The following ADAMTSL1 variants were observed in gnomAD, a reference collection of about 807,000 sequenced individuals.
The protein encoded by ADAMTSL1 is ADAMTS like 1.
A neutral mutation model predicts 201.8 loss-of-function variants in ADAMTSL1; 126 were observed. The observed-to-expected ratio is 0.62, with a 90% CI of 0.54 to 0.72. The LOEUF is 0.72. Ranked by LOEUF, ADAMTSL1 falls within the 30% of genes least tolerant of loss-of-function variation. The pLI is 0.00. For missense variants in ADAMTSL1, 2,679 were observed against 2,277.8 expected, an observed-to-expected ratio of 1.18 and a Z score of -3.59; for synonymous variants, 1,121 against 903.4, an observed-to-expected ratio of 1.24 and a Z score of -4.32.
intron 9 of ADAMTSL1, among the ~76,000 whole-genome samples, chr9:18,672,261 T>C (rs989726108): frequency 2.6e-5 from 4 of 152,082 alleles, no homozygotes; most frequent in African/African-American, 9.7e-5. Context: ...CTCAATGATC[T>C]TGAAGTAACG....
intron 2 of ADAMTSL1, among the ~76,000 whole-genome samples, chr9:18,314,560 C>G (rs940904163): frequency 1.3e-5 from 2 of 151,524 alleles, no homozygotes; most frequent in South Asian, 4.2e-4. Flanking sequence ...GCAGTTGTTC[C>G]TTCCTCCCGT....
chr9:18,747,802 A>T (rs1263267883), intron 15 of ADAMTSL1, among the ~76,000 whole-genome samples: 1 of 152,178 alleles, frequency 6.6e-6, no homozygotes, highest in Non-Finnish European at 1.5e-5. Flanking sequence ...GGCTAGCCAG[A>T]TCCAGGCAGA....
chr9:17,984,277 A>C (rs1380461337), intron 1 of ADAMTSL1, among the ~76,000 whole-genome samples: 6 of 152,238 alleles, frequency 3.9e-5, no homozygotes, highest in South Asian at 4.1e-4. Context: ...TACTCTCAGC[A>C]CCCAGATTAT....
At chr9:18,770,993 G>A (rs1007905504) in intron 17 of ADAMTSL1, among the ~76,000 whole-genome samples, 5 of 152,122 alleles carry the variant, frequency 3.3e-5, no homozygotes, top group African/African-American at 4.8e-5. Flanking sequence ...CCCAACAATC[G>A]GAAGCTTGGA....
At chr9:18,399,093 C>CA (rs1817861877) in intron 2 of ADAMTSL1, among the ~76,000 whole-genome samples, 1 of 151,482 alleles carries the variant, frequency 6.6e-6, no homozygotes, top group Admixed American at 6.6e-5. Flanking sequence ...GAATCCAGTA[C>CA]ATTTTTAGCT....
At chr9:18,502,625 C>T (rs1345572828) in intron 1 of ADAMTSL1, among the ~76,000 whole-genome samples, 4 of 152,068 alleles carry the variant, frequency 2.6e-5, no homozygotes, top group Non-Finnish European at 5.9e-5. Context: ...CTTTGGAGCT[C>T]AATAAATTCT....
chr9:18,524,069 C>G (rs1818879233), intron 2 of ADAMTSL1, among the ~76,000 whole-genome samples: 1 of 150,412 alleles, frequency 6.6e-6, no homozygotes, highest in Non-Finnish European at 1.5e-5. Context: ...TCTTCCTACC[C>G]ATGAGCATGG....
chr9:18,420,749 G>T (rs71506875), intron 2 of ADAMTSL1, among the ~76,000 whole-genome samples: 1 of 152,172 alleles, frequency 6.6e-6, no homozygotes, highest in South Asian at 2.1e-4. Flanking sequence ...ATGAATGGGG[G>T]AATGAAATCC....
intron 2 of ADAMTSL1, among the ~76,000 whole-genome samples, chr9:18,347,939 T>C (rs895600361): frequency 2.0e-5 from 3 of 152,132 alleles, no homozygotes; most frequent in African/African-American, 7.2e-5. Flanking sequence ...CCTGGAAAGA[T>C]TCCAAAAACA....
chr9:17,976,302 T>A (rs1320709848), intron 1 of ADAMTSL1, among the ~76,000 whole-genome samples: 1 of 152,066 alleles, frequency 6.6e-6, no homozygotes, highest in Admixed American at 6.6e-5. Flanking sequence ...TACATCTGTA[T>A]ATCATTTTGG....
At position 18,262,361 on chromosome 9, in the gene ADAMTSL1, G is replaced by C. The variant is rs536541972; in HGVS notation, c.207+98380G>C. Among the ~76,000 whole-genome samples the C allele has an allele frequency of 4.6e-5, 7 of 152,294 alleles. 1 individual carries two copies. The South Asian group carries it at 1.5e-3, about 32-fold the overall frequency. ...CCAGAAGGAATGGAGGCCCAGTGTG[G>C]TCAGATCATCTGATCTTTCAAGAGA... On this transcript the variant is annotated intron_variant, in intron 2 of 29. Transcript: ENST00000680146.
intron 1 of ADAMTSL1, among the ~76,000 whole-genome samples, chr9:17,972,623 T>C (rs1435135441): frequency 6.6e-6 from 1 of 152,000 alleles, no homozygotes; most frequent in Non-Finnish European, 1.5e-5. Context: ...ACTATATACA[T>C]ACATGTGCAT....
chr9:18,225,350 G>A (rs560829543), intron 2 of ADAMTSL1, among the ~76,000 whole-genome samples: 120 of 152,220 alleles, frequency 7.9e-4, no homozygotes, highest in African/African-American at 2.7e-3. Context: ...AAGTGCACTC[G>A]TGGAGATCCC....
chr9:18,108,215 T>C (rs1410695315), intron 1 of ADAMTSL1, among the ~76,000 whole-genome samples: 1 of 146,426 alleles, frequency 6.8e-6, no homozygotes, highest in South Asian at 2.1e-4. Context: ...TTTTTTTTTT[T>C]TTTGAAACAG....
At chr9:17,941,949 G>T (rs1219613329) in intron 1 of ADAMTSL1, among the ~76,000 whole-genome samples, 2 of 152,064 alleles carry the variant, frequency 1.3e-5, no homozygotes, top group African/African-American at 2.4e-5. Context: ...ATAAGGACAG[G>T]CTAATTGCCT....
At chr9:18,682,444 G>C (rs1481338950) in intron 12 of ADAMTSL1, among the ~76,000 whole-genome samples, 1 of 152,030 alleles carries the variant, frequency 6.6e-6, no homozygotes, top group African/African-American at 2.4e-5. Flanking sequence ...CTGAATTCCA[G>C]AACCATAATT....
At chr9:18,863,451 A>G (rs1445779125) in intron 23 of ADAMTSL1, among the ~76,000 whole-genome samples, 2 of 152,204 alleles carry the variant, frequency 1.3e-5, no homozygotes, top group African/African-American at 4.8e-5. Context: ...TTTTTCCAGG[A>G]ATGTCTTAAA....
intron 16 of ADAMTSL1, among the ~76,000 whole-genome samples, chr9:18,767,680 C>G (rs1034145546): frequency 1.3e-5 from 2 of 152,208 alleles, no homozygotes; most frequent in Non-Finnish European, 1.5e-5. Flanking sequence ...AGAACATTCA[C>G]AGGAGGCATT....
chr9:18,225,347 C>T (rs1830402351), intron 2 of ADAMTSL1, among the ~76,000 whole-genome samples: 1 of 152,116 alleles, frequency 6.6e-6, no homozygotes, highest in African/African-American at 2.4e-5. Context: ...TAAAAGTGCA[C>T]TCGTGGAGAT....
Sources: allele counts gnomAD v4.1 joint callset (sites outside exome capture counted in the v4.1 genomes callset), GRCh38; gene constraint gnomAD v4.1.1; transcripts MANE v1.5; gene names NCBI Gene and HGNC (gene_info 2026-07-23, HGNC 2026-07-21).